Variants in ARMC2 observed in about 807,000 individuals in gnomAD.
ARMC2 encodes armadillo repeat containing 2.
Under a neutral mutation model 90.3 loss-of-function variants are expected in ARMC2, and 67 were observed. That is an observed-to-expected ratio of 0.74 (90% confidence interval 0.61 to 0.91). The LOEUF is 0.91. Ranked by LOEUF, ARMC2 falls within the 40% of genes least tolerant of loss-of-function variation. ARMC2 has a pLI of 0.00. For missense variants in ARMC2, 920 were observed against 1,030.9 expected (o/e 0.89, Z 1.47); for synonymous variants, 393 against 393.0 (o/e 1.00, Z 0.00).
At chr6:109,029,476 C>T in the ARMC2 span, among the ~76,000 whole-genome samples, 1 of 152,056 alleles carries the variant, frequency 6.6e-6, no homozygotes, top group African/African-American at 2.4e-5. Flanking sequence ...TAAATGTTGC[C>T]ACTTCCTACA....
At chr6:108,861,904 C>G (rs577867185) in intron 3 of ARMC2, among the ~76,000 whole-genome samples, 1 of 152,266 alleles carries the variant, frequency 6.6e-6, no homozygotes, top group Middle Eastern at 3.4e-3. Context: ...ATCTCATTTT[C>G]TAGAGATAAC....
chr6:108,912,293 C>G, intron 9 of ARMC2, 42 bp from the exon 10 acceptor site: 1 of 1,387,496 alleles, frequency 7.2e-7, no homozygotes, highest in Non-Finnish European at 1.0e-6. Context: ...TTCTCTCCAG[C>G]TGTTATACTC....
At chr6:108,963,487 G>T (rs985555207) in intron 15 of ARMC2, among the ~76,000 whole-genome samples, 3 of 152,194 alleles carry the variant, frequency 2.0e-5, no homozygotes, top group African/African-American at 7.2e-5. Context: ...AGTTAACAGG[G>T]CCGGGGCTAG....
chr6:109,015,621 T>A, the ARMC2 span, among the ~76,000 whole-genome samples: 1 of 152,054 alleles, frequency 6.6e-6, no homozygotes, highest in African/African-American at 2.4e-5. Flanking sequence ...CTGAGTTAAA[T>A]AAGAAGGAAT....
chr6:109,036,994 C>T, the ARMC2 span, among the ~76,000 whole-genome samples: 39 of 152,300 alleles, frequency 2.6e-4, no homozygotes, highest in East Asian at 6.7e-3. Flanking sequence ...GGAAACTTAC[C>T]GATCAAGGTC....
At chr6:109,017,581 G>A in the ARMC2 span, among the ~76,000 whole-genome samples, 20 of 152,038 alleles carry the variant, frequency 1.3e-4, no homozygotes, top group African/African-American at 3.9e-4. Flanking sequence ...CACCGCGCCC[G>A]GCCCAAATAT....
the ARMC2 span, among the ~76,000 whole-genome samples, chr6:108,992,144 G>A: frequency 1.3e-5 from 2 of 152,112 alleles, no homozygotes; most frequent in South Asian, 4.2e-4. Flanking sequence ...TGTCACCCAG[G>A]CTGGAGTGCA....
chr6:108,966,727 C>T (rs928306570), intron 17 of ARMC2, among the ~76,000 whole-genome samples: 5 of 151,966 alleles, frequency 3.3e-5, no homozygotes, highest in African/African-American at 1.2e-4. Flanking sequence ...TGCCTTAATT[C>T]AGTTCTCGAT....
At chr6:108,992,249 C>T in the ARMC2 span, among the ~76,000 whole-genome samples, 1 of 152,120 alleles carries the variant, frequency 6.6e-6, no homozygotes, top group Non-Finnish European at 1.5e-5. Flanking sequence ...CAGGTACATG[C>T]CACCACACCT....
the ARMC2 span, among the ~76,000 whole-genome samples, chr6:109,037,891 C>T: frequency 9.2e-5 from 14 of 151,672 alleles, no homozygotes; most frequent in Non-Finnish European, 1.5e-5. Context: ...AGTTGATGTT[C>T]AACGATGCCT....
At chr6:109,020,703 T>C in the ARMC2 span, among the ~76,000 whole-genome samples, 2 of 152,240 alleles carry the variant, frequency 1.3e-5, no homozygotes, top group Non-Finnish European at 2.9e-5. Flanking sequence ...CACTGTTATA[T>C]TTAGCACAGA....
At chr6:108,849,736 A>C (rs1051268977) in intron 1 of ARMC2, among the ~76,000 whole-genome samples, 1 of 152,262 alleles carries the variant, frequency 6.6e-6, no homozygotes, top group African/African-American at 2.4e-5. Context: ...CGCACTTTAC[A>C]TGTATTATAT....
the ARMC2 span, among the ~76,000 whole-genome samples, chr6:108,980,264 T>A: frequency 1.3e-5 from 2 of 152,186 alleles, no homozygotes; most frequent in Admixed American, 1.3e-4. Context: ...GCAGTTCTGC[T>A]GAAGTTTGCT....
chr6:108,894,929 G>A (rs1771452797), intron 6 of ARMC2, among the ~76,000 whole-genome samples: 1 of 150,788 alleles, frequency 6.6e-6, no homozygotes, highest in Non-Finnish European at 1.5e-5. Flanking sequence ...ACCACGCCTG[G>A]CTAATTTTTT....
At position 108,965,119 on chromosome 6, in the gene ARMC2, C is replaced by A; in HGVS notation, c.2425C>A (p.Leu809Ile). ...FGNEDTNTLL[L>I]LLSSFLDEEL... Reference sequence around the variant, plus strand: ...AAATGAAGACACCAACACACTCTTACTCTTGCTCTCATCATTTTTAGGTAA... The same window carrying A: ...AAATGAAGACACCAACACACTCTTAATCTTGCTCTCATCATTTTTAGGTAA... The change falls in exon 17 of 18, where the codon CTC becomes ATC. Residue 809 changes from leucine to isoleucine, a missense_variant. By Grantham distance (5) the Leu-to-Ile change is conservative. Coordinates refer to ENST00000392644, the MANE Select transcript of ARMC2 (RefSeq NM_032131.6). 6.2e-7 allele frequency: 1 copy of A among 1,607,294 alleles called. No individual in the cohort carries two copies. The highest frequency in any genetic ancestry group is 1.1e-5 in the South Asian group (1 of 90,914).
At chr6:109,009,317 G>C in the ARMC2 span, 1 of 1,447,350 alleles carries the variant, frequency 6.9e-7, no homozygotes, top group Admixed American at 2.5e-5. Flanking sequence ...GTGCCCACCC[G>C]CCCAGGTACC....
At chr6:108,937,845 AC>A (rs1252259850) in intron 12 of ARMC2, among the ~76,000 whole-genome samples, 1 of 151,950 alleles carries the variant, frequency 6.6e-6, no homozygotes, top group Non-Finnish European at 1.5e-5. Context: ...CAGGCGTGCC[AC>A]CACACCTGGC....
chr6:108,877,805 G>T (rs1395486859), intron 5 of ARMC2, among the ~76,000 whole-genome samples: 1 of 152,180 alleles, frequency 6.6e-6, no homozygotes, highest in African/African-American at 2.4e-5. Flanking sequence ...CCTCATTCTG[G>T]GACAGCAGGG....
chr6:108,867,427 G>T (rs1248026315), intron 3 of ARMC2, among the ~76,000 whole-genome samples: 1 of 151,942 alleles, frequency 6.6e-6, no homozygotes, highest in Non-Finnish European at 1.5e-5. Flanking sequence ...AAAAGATGGG[G>T]GAAAAAATAG....
Sources: allele counts gnomAD v4.1 joint callset (sites outside exome capture counted in the v4.1 genomes callset), GRCh38; gene constraint gnomAD v4.1.1; transcripts MANE v1.5; gene names NCBI Gene and HGNC (gene_info 2026-07-23, HGNC 2026-07-21).